The following THSD4 variants were observed in gnomAD, a reference collection of about 807,000 sequenced individuals.
THSD4 encodes the protein thrombospondin type 1 domain containing 4, also known as thrombospondin type-1 domain-containing protein 4.
Under a neutral mutation model 119.0 loss-of-function variants are expected in THSD4, and 69 were observed. That is an observed-to-expected ratio of 0.58 (90% CI 0.48 to 0.71). THSD4 has a LOEUF of 0.71. THSD4 is among the 30% of genes least tolerant of loss of function. The probability of loss-of-function intolerance (pLI) is 0.00; values close to 1 mark genes in which losing one functional copy is unlikely to be tolerated. For missense variants in THSD4, 1,393 were observed against 1,391.1 expected (o/e 1.00, Z -0.02); for synonymous variants, 524 against 540.4 (o/e 0.97, Z 0.42).
intron 7 of THSD4, among the ~76,000 whole-genome samples, chr15:71,615,618 G>C (rs995356589): frequency 6.6e-6 from 1 of 152,054 alleles, no homozygotes; most frequent in Non-Finnish European, 1.5e-5. Context: ...AGAGGACCAG[G>C]CTTCTTCCTT....
chr15:71,305,653 T>C (rs2140342629), intron 6 of THSD4, among the ~76,000 whole-genome samples: 1 of 152,338 alleles, frequency 6.6e-6, no homozygotes, highest in Admixed American at 6.5e-5. Context: ...GCACCTAAGA[T>C]GCACTAAGAT....
chr15:71,289,215 C>T (rs1122854), intron 6 of THSD4, among the ~76,000 whole-genome samples: 22,593 of 152,106 alleles, frequency 0.15, 1,979 homozygotes, highest in South Asian at 0.28. Context: ...CTCTGAGGGG[C>T]AAGACTCCCA....
chr15:71,307,703 G>A (rs2045050199), intron 6 of THSD4, among the ~76,000 whole-genome samples: 3 of 152,190 alleles, frequency 2.0e-5, no homozygotes, highest in Non-Finnish European at 4.4e-5. Context: ...GGGAGGTGGA[G>A]GTTGCAGTGA....
chr15:71,726,548 A>G (rs1368176976), intron 8 of THSD4, among the ~76,000 whole-genome samples: 1 of 152,220 alleles, frequency 6.6e-6, no homozygotes, highest in Non-Finnish European at 1.5e-5. Flanking sequence ...ACATTTTTCC[A>G]TAACAAATTA....
intron 15 of THSD4, among the ~76,000 whole-genome samples, chr15:71,759,556 A>G (rs1367920769): frequency 2.0e-5 from 3 of 152,208 alleles, no homozygotes; most frequent in Non-Finnish European, 4.4e-5. Flanking sequence ...TCTGCCAGCT[A>G]TTTCTATCTC....
At chr15:71,179,997 T>A (rs1211777266) in intron 3 of THSD4, among the ~76,000 whole-genome samples, 2 of 84,384 alleles carry the variant, frequency 2.4e-5, no homozygotes, top group Non-Finnish European at 4.6e-5. Flanking sequence ...TGTGGTGGGG[T>A]CGGGGGAGGG....
chr15:71,558,049 C>T (rs569635611), intron 7 of THSD4, among the ~76,000 whole-genome samples: 3 of 152,088 alleles, frequency 2.0e-5, no homozygotes, highest in South Asian at 2.1e-4. Context: ...TTATGTGGGC[C>T]GCATGTGGTG....
intron 3 of THSD4, among the ~76,000 whole-genome samples, chr15:71,159,450 TG>T (rs779199832): frequency 6.6e-6 from 1 of 152,218 alleles, no homozygotes; most frequent in Non-Finnish European, 1.5e-5. Context: ...TCTATGAACA[TG>T]GGTTATTATC....
At chr15:71,237,475 G>A (rs566194663) in intron 4 of THSD4, among the ~76,000 whole-genome samples, 3 of 152,250 alleles carry the variant, frequency 2.0e-5, no homozygotes, top group South Asian at 4.1e-4. Flanking sequence ...TGGTCAATCC[G>A]GACTTGAGTG....
chr15:71,722,424 T>C (rs754449371), intron 8 of THSD4, among the ~76,000 whole-genome samples: 16 of 152,196 alleles, frequency 1.1e-4, no homozygotes, highest in Non-Finnish European at 2.2e-4. Flanking sequence ...TTTAATCTCA[T>C]AGGGAGGTCC....
Position 71,141,755 on chromosome 15 carries a change from G to A in THSD4, c.29+199G>A, listed in dbSNP as rs113227132. ...TGGGAGCTGTGTGCTGTGCTGAGTGGCTTGGGGTCGAAGTCAATCTACTAT... is the reference window on the plus strand; with the variant it reads ...TGGGAGCTGTGTGCTGTGCTGAGTGACTTGGGGTCGAAGTCAATCTACTAT... On this transcript the variant is annotated intron_variant, in intron 2 of 17. Coordinates refer to ENST00000261862, the MANE Select transcript of THSD4 (RefSeq NM_024817.3). Among the ~76,000 whole-genome samples the A allele has an allele frequency of 6.6e-3, 1,012 of 152,296 alleles. 14 individuals are homozygous for A. The highest frequency in any genetic ancestry group is 0.023 in the African/African-American group (976 of 41,550).
chr15:71,773,161 A>G (rs2053851118), intron 17 of THSD4, among the ~76,000 whole-genome samples: 1 of 143,698 alleles, frequency 7.0e-6, no homozygotes, highest in South Asian at 2.1e-4. Context: ...CAATCGCACC[A>G]CTGCACTCCA....
rs113667297 is a variant in THSD4, at chr15:71,535,564, G to A, written c.1152+123741G>A. On this transcript the variant is annotated intron_variant, in intron 7 of 17. Transcript: ENST00000261862. ...AGCTGCAGACTTTTCCAAGGCAGCCGCACCATTTTACCTGACCACTAGTAG... is the reference window on the plus strand; with the variant it reads ...AGCTGCAGACTTTTCCAAGGCAGCCACACCATTTTACCTGACCACTAGTAG... Among the ~76,000 whole-genome samples, 833 of 152,202 alleles carry A rather than the reference G, an allele frequency of 5.5e-3. 10 individuals are homozygous for A. Among genetic ancestry groups the A allele is most frequent in the African/African-American group, 0.02 (810 of 41,538 alleles).
intron 8 of THSD4, among the ~76,000 whole-genome samples, chr15:71,710,446 A>T (rs1410799956): frequency 6.6e-6 from 1 of 152,238 alleles, no homozygotes; most frequent in Non-Finnish European, 1.5e-5. Context: ...GAGGAGGGCC[A>T]AGATAAATGA....
rs535800075 is a variant in THSD4, at chr15:71,489,486, G to A, written c.1152+77663G>A. 6.2e-4 allele frequency among the ~76,000 whole-genome samples: 95 copies of A among 152,138 alleles called. 1 individual carries two copies. The highest frequency in any genetic ancestry group is 1.1e-3 in the Non-Finnish European group (73 of 68,004). The stretch of plus-strand genomic sequence containing the variant: ...GCTGCCCAGCTCACCATCTTCTGTG[G>A]GGACTCCTCTGCAGGCGATGGATAT... On this transcript the variant is annotated intron_variant, in intron 7 of 17. Coordinates refer to ENST00000261862, the MANE Select transcript of THSD4 (RefSeq NM_024817.3).
intron 2 of THSD4, among the ~76,000 whole-genome samples, chr15:71,143,067 C>A (rs745998901): frequency 4.6e-5 from 7 of 152,120 alleles, no homozygotes; most frequent in Non-Finnish European, 7.3e-5. Context: ...CGTGTGCAGG[C>A]CTGCAATCCA....
intron 7 of THSD4, among the ~76,000 whole-genome samples, chr15:71,452,055 G>C (rs372024615): frequency 6.6e-6 from 1 of 152,158 alleles, no homozygotes; most frequent in Non-Finnish European, 1.5e-5. Context: ...CTCCACCATG[G>C]TCTTCATGAG....
chr15:71,290,051 A>G (rs2044769709), intron 6 of THSD4, among the ~76,000 whole-genome samples: 1 of 152,132 alleles, frequency 6.6e-6, no homozygotes, highest in African/African-American at 2.4e-5. Flanking sequence ...CCCCCAAAGA[A>G]CATTTCACAG....
chr15:71,403,679 C>T (rs540652410), intron 6 of THSD4, among the ~76,000 whole-genome samples: 2 of 152,148 alleles, frequency 1.3e-5, no homozygotes, highest in East Asian at 1.9e-4. Flanking sequence ...AGTCTCCTTT[C>T]GGGACAAATA....
Sources: gnomAD v4.1 joint callset for allele counts (sites outside exome capture counted in the v4.1 genomes callset) on GRCh38, gnomAD v4.1.1 for gene constraint, MANE v1.5 for transcripts, NCBI Gene and HGNC (gene_info 2026-07-23, HGNC 2026-07-21) for gene names.